Variants in RBPJ observed in about 807,000 individuals in gnomAD.
RBPJ encodes recombining binding protein suppressor of hairless.
A neutral mutation model predicts 67.8 loss-of-function variants in RBPJ; 9 were observed. The observed-to-expected ratio is 0.13, with a 90% CI of 0.08 to 0.23. RBPJ has a LOEUF of 0.23. Ranked by LOEUF, RBPJ falls within the 10% of genes least tolerant of loss-of-function variation. The pLI, the probability that RBPJ is intolerant of heterozygous loss-of-function variation, is 1.00. For missense variants in RBPJ, 305 were observed against 595.6 expected, an observed-to-expected ratio of 0.51 and a Z score of 5.08; for synonymous variants, 198 against 203.3, an observed-to-expected ratio of 0.97 and a Z score of 0.22.
At chr4:26,124,101 A>G in the RBPJ span, among the ~76,000 whole-genome samples, 3 of 152,006 alleles carry the variant, frequency 2.0e-5, no homozygotes, top group Non-Finnish European at 4.4e-5. Flanking sequence ...ATGTTTGGTT[A>G]TAGGAATATG....
chr4:26,222,363 C>G (rs972975117), intron 1 of RBPJ, among the ~76,000 whole-genome samples: 4 of 151,680 alleles, frequency 2.6e-5, no homozygotes, highest in Non-Finnish European at 5.9e-5. Flanking sequence ...GGCGTGGTGG[C>G]GGCCGCCTAT....
chr4:26,146,166 C>T, the RBPJ span, among the ~76,000 whole-genome samples: 1 of 152,142 alleles, frequency 6.6e-6, no homozygotes, highest in Admixed American at 6.5e-5. Context: ...AGGATGGTCT[C>T]GAACTCCTGC....
At chr4:26,270,421 G>GA (rs1177669396) in intron 1 of RBPJ, among the ~76,000 whole-genome samples, 5 of 53,478 alleles carry the variant, frequency 9.3e-5, no homozygotes, top group Non-Finnish European at 2.0e-4. Flanking sequence ...AAGAAAGAAA[G>GA]AAAGAAAGAA....
chr4:26,334,440 G>C (rs1043576006), intron 1 of RBPJ, among the ~76,000 whole-genome samples: 2 of 151,594 alleles, frequency 1.3e-5, no homozygotes, highest in African/African-American at 4.9e-5. Flanking sequence ...CATCCTGTGT[G>C]GCCTTGGGCA....
At chr4:26,246,027 A>C (rs897494756) in intron 1 of RBPJ, among the ~76,000 whole-genome samples, 6 of 152,278 alleles carry the variant, frequency 3.9e-5, no homozygotes, top group African/African-American at 1.4e-4. Flanking sequence ...TCTTTAAAAG[A>C]TTGTTATAGT....
At chr4:26,116,338 G>A in the RBPJ span, among the ~76,000 whole-genome samples, 4 of 152,238 alleles carry the variant, frequency 2.6e-5, no homozygotes, top group African/African-American at 4.8e-5. Context: ...CCGGTATGCT[G>A]TGAAAAACCA....
chr4:26,395,522 G>T (rs1577603047), intron 2 of RBPJ, among the ~76,000 whole-genome samples: 1 of 152,154 alleles, frequency 6.6e-6, no homozygotes, highest in African/African-American at 2.4e-5. Context: ...TGGATATTTG[G>T]ACCCACTAAG....
chr4:26,179,612 T>A (rs1380894875), intron 1 of RBPJ, among the ~76,000 whole-genome samples: 2 of 152,012 alleles, frequency 1.3e-5, no homozygotes, highest in Non-Finnish European at 2.9e-5. Flanking sequence ...AAAACCACAA[T>A]GAGTTACCGT....
chr4:26,192,677 A>G (rs1308873293), intron 1 of RBPJ, among the ~76,000 whole-genome samples: 1 of 152,228 alleles, frequency 6.6e-6, no homozygotes, highest in Non-Finnish European at 1.5e-5. Context: ...GTTGGAAGAC[A>G]CAGCATGCAA....
intron 1 of RBPJ, among the ~76,000 whole-genome samples, chr4:26,328,306 A>T (rs1567545): frequency 0.024 from 3,590 of 152,248 alleles, 123 homozygotes; most frequent in African/African-American, 0.071. Context: ...TTTAATAACA[A>T]TATATTTATT....
intron 2 of RBPJ, 79 bp from the exon 3 acceptor site, chr4:26,406,096 C>T: frequency 2.3e-6 from 2 of 868,398 alleles, no homozygotes; most frequent in Non-Finnish European, 1.9e-6. Flanking sequence ...GCATTCCTCT[C>T]ATTACAGAGC....
intron 1 of RBPJ, among the ~76,000 whole-genome samples, chr4:26,211,054 A>T (rs1243184354): frequency 1.3e-5 from 2 of 151,998 alleles, no homozygotes; most frequent in Admixed American, 1.3e-4. Flanking sequence ...GACTCCCATA[A>T]CTTTCAAAGC....
intron 1 of RBPJ, among the ~76,000 whole-genome samples, chr4:26,166,598 A>T (rs368896599): frequency 2.6e-5 from 4 of 151,742 alleles, no homozygotes; most frequent in Non-Finnish European, 4.4e-5. Flanking sequence ...GTTTGAGTTC[A>T]TTGTAGATTC....
At chr4:26,133,312 A>G in the RBPJ span, among the ~76,000 whole-genome samples, 6 of 152,236 alleles carry the variant, frequency 3.9e-5, no homozygotes, top group African/African-American at 1.2e-4. Context: ...GCAATGGTTC[A>G]TGCCTGGAAT....
chr4:26,361,339 T>C (rs1728042373), intron 1 of RBPJ, among the ~76,000 whole-genome samples: 1 of 152,200 alleles, frequency 6.6e-6, no homozygotes, highest in Non-Finnish European at 1.5e-5. Context: ...CCCCACAATC[T>C]ACAGTAAATC....
chr4:26,181,953 C>G (rs976299603), intron 1 of RBPJ, among the ~76,000 whole-genome samples: 1 of 152,174 alleles, frequency 6.6e-6, no homozygotes, highest in Non-Finnish European at 1.5e-5. Context: ...CTAACTTAGG[C>G]TACACTACAT....
rs60128708 is a variant in RBPJ at position 26,295,147 on chromosome 4, T to C, written c.-166-67299T>C. On this transcript the variant is annotated intron_variant, in intron 1 of 4. Coordinates refer to the RBPJ transcript ENST00000512351. ...AGGGAAATGACAAGACATTACATTT[T>C]TCTCCCCTCCACTAGGCTTACATTT... Among the ~76,000 whole-genome samples the C allele has an allele frequency of 4.0e-3, 612 of 152,266 alleles. 5 individuals are homozygous for C. The highest frequency in any genetic ancestry group is 0.014 in the African/African-American group (585 of 41,540).
At chr4:26,142,779 T>C in the RBPJ span, among the ~76,000 whole-genome samples, 1 of 151,880 alleles carries the variant, frequency 6.6e-6, no homozygotes, top group Non-Finnish European at 1.5e-5. Flanking sequence ...TGTATGTGTG[T>C]GTGTGTGTGA....
intron 1 of RBPJ, chr4:26,362,552 T>G: frequency 6.2e-7 from 1 of 1,610,112 alleles, no homozygotes; most frequent in Non-Finnish European, 8.5e-7. Context: ...GGCTGAGGTG[T>G]TTTGAGGTGC....
Sources: allele counts gnomAD v4.1 joint callset (sites outside exome capture counted in the v4.1 genomes callset), GRCh38; gene constraint gnomAD v4.1.1; transcripts MANE v1.5; gene names NCBI Gene and HGNC (gene_info 2026-07-23, HGNC 2026-07-21).